BCAS4: variants seen among roughly 807,000 people sequenced by gnomAD.
BCAS4 encodes the protein breast carcinoma amplified sequence 4, also known as breast carcinoma-amplified sequence 4.
A neutral mutation model predicts 15.7 loss-of-function variants in BCAS4; 9 were observed. The observed-to-expected ratio is 0.57, with a 90% confidence interval of 0.34 to 1.00. The LOEUF is 1.00. BCAS4 is among the 50% of genes least tolerant of loss of function. BCAS4 has a pLI of 0.02. For synonymous variants in BCAS4, 101 were observed against 99.5 expected, an observed-to-expected ratio of 1.02 and a Z score of -0.09; for missense variants, 225 against 239.1, an observed-to-expected ratio of 0.94 and a Z score of 0.39.
At chr20:50,838,958 G>T (rs1439157709) in intron 3 of BCAS4, among the ~76,000 whole-genome samples, 1 of 152,170 alleles carries the variant, frequency 6.6e-6, no homozygotes, top group Non-Finnish European at 1.5e-5. Context: ...GCCCTGTGGG[G>T]TGAGGCTGGG....
intron 4 of BCAS4, among the ~76,000 whole-genome samples, chr20:50,842,986 G>A (rs1342511238): frequency 5.9e-5 from 9 of 152,230 alleles, no homozygotes; most frequent in Non-Finnish European, 1.0e-4. Flanking sequence ...TTTTGAGATA[G>A]GATCTCATTC....
At chr20:50,805,526 T>C (rs983162341) in intron 1 of BCAS4, among the ~76,000 whole-genome samples, 2 of 152,184 alleles carry the variant, frequency 1.3e-5, no homozygotes, top group African/African-American at 4.8e-5. Flanking sequence ...TGGGGCCCAG[T>C]AGCAGCCAGC....
chr20:50,836,757 C>T (rs2088415093), intron 3 of BCAS4, among the ~76,000 whole-genome samples: 1 of 152,174 alleles, frequency 6.6e-6, no homozygotes, highest in Non-Finnish European at 1.5e-5. Context: ...CAAGTTCTCG[C>T]TCTGTCATCC....
downstream of BCAS4, chr20:50,879,337 T>A (rs1980071373): frequency 6.6e-6 from 1 of 152,096 alleles, no homozygotes; most frequent in Non-Finnish European, 1.5e-5. Flanking sequence ...GCCAACATAG[T>A]GAAACCTCAT....
intron 3 of BCAS4, among the ~76,000 whole-genome samples, chr20:50,837,888 C>T (rs1568670134): frequency 6.6e-6 from 1 of 152,228 alleles, no homozygotes; most frequent in Non-Finnish European, 1.5e-5. Context: ...GTTTTACAAG[C>T]ATATGTGCTG....
At chr20:50,866,507 A>G (rs1159786617) in intron 4 of BCAS4, among the ~76,000 whole-genome samples, 3 of 152,236 alleles carry the variant, frequency 2.0e-5, no homozygotes, top group African/African-American at 7.2e-5. Flanking sequence ...CTAGAGAAAT[A>G]GGCACTCAAT....
intron 1 of BCAS4, among the ~76,000 whole-genome samples, chr20:50,813,728 C>G (rs1172520081): frequency 1.4e-5 from 2 of 141,634 alleles, no homozygotes; most frequent in Non-Finnish European, 1.5e-5. Flanking sequence ...GCAGGGCCAG[C>G]CCCTCTTCAA....
chr20:50,822,945 T>C (rs1225528646), intron 2 of BCAS4, among the ~76,000 whole-genome samples: 4 of 151,874 alleles, frequency 2.6e-5, no homozygotes. Flanking sequence ...AAGTTGAACA[T>C]GTGCTTAACC....
chr20:50,862,827 C>T (rs1200984432), intron 4 of BCAS4, among the ~76,000 whole-genome samples: 1 of 152,080 alleles, frequency 6.6e-6, no homozygotes, highest in African/African-American at 2.4e-5. Flanking sequence ...GTTTTGCACT[C>T]AGGGCTTTTT....
chr20:50,862,490 G>T (rs984710025), intron 4 of BCAS4, among the ~76,000 whole-genome samples: 2 of 152,068 alleles, frequency 1.3e-5, no homozygotes, highest in African/African-American at 4.8e-5. Context: ...AGGGGTCGCA[G>T]GTGCATGTGC....
At chr20:50,805,892 G>A (rs2087983313) in intron 1 of BCAS4, among the ~76,000 whole-genome samples, 1 of 151,520 alleles carries the variant, frequency 6.6e-6, no homozygotes, top group South Asian at 2.1e-4. Context: ...TAGGAAAATT[G>A]CTTGAACCTG....
intron 4 of BCAS4, among the ~76,000 whole-genome samples, chr20:50,849,973 TTAAAAA>T (rs1000100208): frequency 3.9e-5 from 6 of 152,040 alleles, no homozygotes; most frequent in African/African-American, 1.4e-4. Flanking sequence ...TTCTAAAAAA[TTAAAAA>T]TAATAAAACT....
chr20:50,830,708 G>A (rs1394511272), intron 3 of BCAS4, among the ~76,000 whole-genome samples: 1 of 152,142 alleles, frequency 6.6e-6, no homozygotes, highest in African/African-American at 2.4e-5. Flanking sequence ...AAACTAGTCA[G>A]GTGTTGTGGT....
intron 2 of BCAS4, among the ~76,000 whole-genome samples, chr20:50,822,071 T>C (rs912038294): frequency 2.6e-5 from 4 of 152,226 alleles, no homozygotes; most frequent in African/African-American, 4.8e-5. Flanking sequence ...CACAGAGGAC[T>C]CAGCTCATTT....
At chr20:50,866,243 G>A (rs1170239535) in intron 4 of BCAS4, among the ~76,000 whole-genome samples, 1 of 152,204 alleles carries the variant, frequency 6.6e-6, no homozygotes, top group Non-Finnish European at 1.5e-5. Context: ...GGGGCCCCAG[G>A]TCAGTAGTCC....
intron 3 of BCAS4, 87 bp from the exon 4 acceptor site, chr20:50,841,679 T>C: frequency 6.3e-7 from 1 of 1,582,470 alleles, no homozygotes; most frequent in Non-Finnish European, 8.6e-7. Context: ...ATGAAAGGCC[T>C]GGAGTCCCCA....
rs140014339 is a variant in BCAS4, at chr20:50,868,877, GT to G, written c.400-7603del. ...TGGTGCTTTGAGCAAATAGGTTGGT[GT>G]TTTTTCCTACTTGTGACAAGAAGTA... On this transcript the variant is annotated intron_variant, in intron 4 of 4. Coordinates refer to ENST00000371608, the MANE Select transcript of BCAS4 (RefSeq NM_198799.4). Among the ~76,000 whole-genome samples the G allele has an allele frequency of 8.9e-3, 1,353 of 152,354 alleles. 14 individuals carry two copies. Among genetic ancestry groups the G allele is most frequent in the Non-Finnish European group, 0.012 (839 of 68,034 alleles).
At chr20:50,810,617 G>T (rs913017346) in intron 1 of BCAS4, among the ~76,000 whole-genome samples, 1 of 145,380 alleles carries the variant, frequency 6.9e-6, no homozygotes, top group Non-Finnish European at 1.5e-5. Context: ...AGACGGAGTC[G>T]TCTCGCTCTG....
intron 4 of BCAS4, among the ~76,000 whole-genome samples, chr20:50,862,068 G>T (rs997158176): frequency 1.3e-5 from 2 of 151,330 alleles, no homozygotes; most frequent in Non-Finnish European, 2.9e-5. Flanking sequence ...TTGCTGTGTT[G>T]CCCGGCTGGA....
Sources: allele counts gnomAD v4.1 joint callset (sites outside exome capture counted in the v4.1 genomes callset), GRCh38; gene constraint gnomAD v4.1.1; transcripts MANE v1.5; gene names NCBI Gene and HGNC (gene_info 2026-07-23, HGNC 2026-07-21).